The following FBXO10 variants were observed in gnomAD, a reference collection of about 807,000 sequenced individuals.
FBXO10 encodes the protein F-box protein 10.
A neutral mutation model predicts 80.7 loss-of-function variants in FBXO10; 39 were observed. That is an observed-to-expected ratio of 0.48 (90% CI 0.37 to 0.63). The LOEUF (loss-of-function observed/expected upper bound fraction) is 0.63. Ranked by LOEUF, FBXO10 falls within the 30% of genes least tolerant of loss-of-function variation. The pLI is 0.00. For missense variants in FBXO10, 1,025 were observed against 1,269.0 expected, an observed-to-expected ratio of 0.81 and a Z score of 2.92; for synonymous variants, 449 against 489.6, an observed-to-expected ratio of 0.92 and a Z score of 1.09.
chr9:37,558,503 C>T (rs1563887535), intron 1 of FBXO10, among the ~76,000 whole-genome samples: 1 of 152,154 alleles, frequency 6.6e-6, no homozygotes, highest in Non-Finnish European at 1.5e-5. Flanking sequence ...AGATGGGTTT[C>T]CCCCATTTCC....
intron 9 of FBXO10, among the ~76,000 whole-genome samples, chr9:37,517,449 A>G (rs1349153616): frequency 2.7e-5 from 4 of 146,042 alleles, no homozygotes; most frequent in Non-Finnish European, 4.5e-5. Flanking sequence ...GGAGCTCTGC[A>G]TAGAAAGGTG....
chr9:37,532,191 A>G, intron 3 of FBXO10, 133 bp from the exon 4 acceptor site: 2 of 943,832 alleles, frequency 2.1e-6, no homozygotes, highest in Non-Finnish European at 1.6e-6. Context: ...AAACGCCTCA[A>G]TGCTGGCACA....
chr9:37,548,786 T>C (rs1822120465), intron 1 of FBXO10, among the ~76,000 whole-genome samples: 1 of 152,152 alleles, frequency 6.6e-6, no homozygotes, highest in Admixed American at 6.5e-5. Context: ...TCTCCCTCTG[T>C]TGCCCAGGCT....
rs2119037149 is a variant in FBXO10, at chr9:37,512,397, G to A, written c.*150C>T. ...CTTTCTTCTTGCTATGGGCTGTGGAGCTGAAGTGTTCTGGAGGTACCGTGT... is the reference window on the plus strand; with the variant it reads ...CTTTCTTCTTGCTATGGGCTGTGGAACTGAAGTGTTCTGGAGGTACCGTGT... On this transcript the variant is annotated 3_prime_UTR_variant, in exon 11 of 11. Coordinates refer to ENST00000432825, the MANE Select transcript of FBXO10 (RefSeq NM_012166.3). 1.4e-6 allele frequency: 1 copy of A among 693,188 alleles called. No homozygotes were observed. Among genetic ancestry groups the A allele is most frequent in the Non-Finnish European group, 2.3e-6 (1 of 430,688 alleles). The allele number at this position is 693,188 out of a possible 1,614,324, so 42.9% of individuals were successfully genotyped here.
intron 9 of FBXO10, among the ~76,000 whole-genome samples, chr9:37,516,852 T>C (rs1821188108): frequency 6.6e-6 from 1 of 151,552 alleles, no homozygotes; most frequent in Admixed American, 6.6e-5. Context: ...TCCCAGCTAC[T>C]TGGGAGGCTG....
intron 2 of FBXO10, among the ~76,000 whole-genome samples, chr9:37,538,413 A>G (rs1212192152): frequency 6.6e-6 from 1 of 152,236 alleles, no homozygotes; most frequent in Non-Finnish European, 1.5e-5. Context: ...ACAGTGGTTA[A>G]AAGCATGGGC....
Position 37,541,621 on chromosome 9 carries a change from G to A in FBXO10, c.148C>T (p.Leu50=). 6.2e-7 allele frequency: 1 copy of A among 1,613,910 alleles called. No individual in the cohort carries two copies. The highest frequency in any genetic ancestry group is 8.5e-7 in the Non-Finnish European group (1 of 1,179,854). ...GGATGGCGGCACTCGGTGCAACCCA[G>A]ACACAGCTGCCGCCAGCGGGTGCTG... ...LDSTRWRQLC[L]GCTECRHPNW... is the part of the protein sequence containing the mutation. The change falls in exon 2 of 11, where the codon CTG becomes TTG. Residue 50 remains leucine (L), a synonymous_variant. Transcript: ENST00000432825.
At chr9:37,515,855 A>C (rs1821166858) in intron 10 of FBXO10, 49 bp downstream of exon 10, 1 of 1,575,010 alleles carries the variant, frequency 6.3e-7, no homozygotes, top group South Asian at 1.2e-5. Flanking sequence ...TTCTTCAGGG[A>C]GCTTACTGTG....
At chr9:37,543,413 G>C (rs888610591) in intron 1 of FBXO10, among the ~76,000 whole-genome samples, 1 of 152,168 alleles carries the variant, frequency 6.6e-6, no homozygotes, top group African/African-American at 2.4e-5. Context: ...CCTTATTCCT[G>C]AATGGTGGGG....
intron 1 of FBXO10, among the ~76,000 whole-genome samples, chr9:37,553,870 C>G (rs1463375229): frequency 1.6e-5 from 2 of 126,042 alleles, no homozygotes; most frequent in Admixed American, 9.9e-5. Flanking sequence ...GAGCCGAGAT[C>G]ATGGCATTGC....
chr9:37,559,822 G>GT (rs201148044), intron 1 of FBXO10, among the ~76,000 whole-genome samples: 2,048 of 152,318 alleles, frequency 0.013, 63 homozygotes, highest in Admixed American at 0.084. Context: ...AATGATTAGA[G>GT]TAAGCAGAGA....
At chr9:37,570,032 T>A (rs1822708294) in intron 1 of FBXO10, among the ~76,000 whole-genome samples, 1 of 152,178 alleles carries the variant, frequency 6.6e-6, no homozygotes, top group Non-Finnish European at 1.5e-5. Flanking sequence ...CAAAGAAGGC[T>A]GGGCGCAGTG....
At chr9:37,570,808 C>T (rs866855181) in intron 1 of FBXO10, among the ~76,000 whole-genome samples, 11 of 151,964 alleles carry the variant, frequency 7.2e-5, no homozygotes, top group South Asian at 4.2e-4. Flanking sequence ...TCCAGACCAA[C>T]GTGGTGAAAC....
chr9:37,514,861 A>C (rs1430370226), intron 10 of FBXO10: 1 of 151,976 alleles, frequency 6.6e-6, no homozygotes, highest in Non-Finnish European at 1.5e-5. Context: ...AATTAGGTAT[A>C]CCTACATCGG....
chr9:37,539,750 C>A (rs1422416748), intron 2 of FBXO10, among the ~76,000 whole-genome samples: 2 of 152,178 alleles, frequency 1.3e-5, no homozygotes, highest in Non-Finnish European at 2.9e-5. Flanking sequence ...ATTTTATAAG[C>A]ATTTAGATGA....
At chr9:37,526,671 G>A (rs1031754958) in intron 5 of FBXO10, among the ~76,000 whole-genome samples, 34 of 152,078 alleles carry the variant, frequency 2.2e-4, no homozygotes, top group African/African-American at 8.0e-4. Flanking sequence ...GCAGACCTGT[G>A]TTCTATCTGG....
At chr9:37,518,536 A>G in intron 8 of FBXO10, 98 bp from the exon 9 acceptor site, 6 of 1,018,584 alleles carry the variant, frequency 5.9e-6, no homozygotes, top group East Asian at 2.6e-5. Flanking sequence ...CTCCGGGAGA[A>G]CGGAGTGGAG....
intron 1 of FBXO10, among the ~76,000 whole-genome samples, chr9:37,573,384 C>T (rs73441341): frequency 0.018 from 2,762 of 152,156 alleles, 80 homozygotes; most frequent in African/African-American, 0.063. Flanking sequence ...TGGCTGAGCA[C>T]GCAAGCATAA....
chr9:37,552,401 T>C (rs188163016), intron 1 of FBXO10, among the ~76,000 whole-genome samples: 322 of 152,336 alleles, frequency 2.1e-3, no homozygotes, highest in Non-Finnish European at 3.6e-3. Context: ...CAGACACTTA[T>C]GGCTGGGCGA....
Sources: gnomAD v4.1 joint callset for allele counts (sites outside exome capture counted in the v4.1 genomes callset) on GRCh38, gnomAD v4.1.1 for gene constraint, MANE v1.5 for transcripts, NCBI Gene and HGNC (gene_info 2026-07-23, HGNC 2026-07-21) for gene names.